The following SNX29 variants were observed in gnomAD, a reference collection of about 807,000 sequenced individuals.
SNX29 encodes the protein sorting nexin-29.
In SNX29, 78 loss-of-function variants were observed where a neutral mutation model predicts 102.1. That is an observed-to-expected ratio of 0.76 (90% CI 0.64 to 0.92). The LOEUF (loss-of-function observed/expected upper bound fraction) is 0.92, where lower values mean the gene tolerates loss of function less well. Ranked by LOEUF, SNX29 falls within the 40% of genes least tolerant of loss-of-function variation. The pLI is 0.00. For synonymous variants in SNX29, 580 were observed against 414.5 expected (o/e 1.40, Z -4.85); for missense variants, 1,280 against 1,061.7 (o/e 1.21, Z -2.86).
chr16:12,219,675 G>A (rs1309921089), intron 14 of SNX29, among the ~76,000 whole-genome samples: 1 of 152,112 alleles, frequency 6.6e-6, no homozygotes. Context: ...AAATTCATGC[G>A]TATTTTAACA....
At chr16:12,066,846 A>G (rs2051061358) in intron 9 of SNX29, among the ~76,000 whole-genome samples, 1 of 151,864 alleles carries the variant, frequency 6.6e-6, no homozygotes, top group Admixed American at 6.6e-5. Context: ...GGGTGAGTTG[A>G]TGCCACCCTC....
chr16:12,474,908 C>T lies in SNX29; in HGVS notation c.2038-2811C>T, dbSNP rs78431302. On this transcript the variant is annotated intron_variant, in intron 18 of 20. Transcript: ENST00000566228. The stretch of plus-strand genomic sequence containing the variant: ...TTAAAATAAAGAAGGAGTACGCCCA[C>T]GTGTGCTGGTACGCCCATCTGGATG... Among the ~76,000 whole-genome samples the T allele has an allele frequency of 8.9e-3, 1,348 of 152,316 alleles. 15 individuals are homozygous for T. Among genetic ancestry groups the T allele is most frequent in the East Asian group, 0.031 (160 of 5,176 alleles).
At chr16:12,052,657 G>C (rs982223967) in intron 8 of SNX29, 8 of 191,132 alleles carry the variant, frequency 4.2e-5, no homozygotes, top group Admixed American at 2.7e-4. Flanking sequence ...TATTTGGAAG[G>C]AGTATTATTT....
At chr16:12,414,357 G>T (rs1049042410) in intron 18 of SNX29, among the ~76,000 whole-genome samples, 4 of 152,198 alleles carry the variant, frequency 2.6e-5, no homozygotes, top group African/African-American at 4.8e-5. Flanking sequence ...CTGGGTGACA[G>T]CAAGACCTCA....
chr16:12,286,956 C>A (rs751292059), intron 15 of SNX29, among the ~76,000 whole-genome samples: 1 of 152,196 alleles, frequency 6.6e-6, no homozygotes, highest in Non-Finnish European at 1.5e-5. Flanking sequence ...AAAAGAGGCT[C>A]GTGCTAGTCC....
Position 12,540,941 on chromosome 16 carries a change from G to C in SNX29, c.2318+16100G>C, listed in dbSNP as rs368819439. Among the ~76,000 whole-genome samples the C allele has an allele frequency of 2.9e-4, 44 of 152,320 alleles. 1 individual carries two copies. The South Asian group carries it at 8.9e-3, about 31-fold the overall frequency. ...CTGTTCACCCCCTGCCCACTTTTGG[G>C]GTCAGGCTGCCTGTAGTTCAGGCTG... On this transcript the variant is annotated intron_variant, in intron 20 of 20. Coordinates refer to ENST00000566228, the MANE Select transcript of SNX29 (RefSeq NM_032167.5).
At chr16:12,498,575 T>C (rs754528056) in intron 19 of SNX29, among the ~76,000 whole-genome samples, 2 of 152,098 alleles carry the variant, frequency 1.3e-5, no homozygotes, top group Non-Finnish European at 2.9e-5. Context: ...CCACTGAAAA[T>C]ACAGTGGGAA....
At chr16:12,541,657 A>G (rs557716389) in intron 20 of SNX29, among the ~76,000 whole-genome samples, 1 of 152,208 alleles carries the variant, frequency 6.6e-6, no homozygotes, top group Admixed American at 6.5e-5. Flanking sequence ...CCAGCTCCTA[A>G]TGCAGCCGTG....
intron 20 of SNX29, among the ~76,000 whole-genome samples, chr16:12,531,178 C>T (rs1257172697): frequency 2.6e-5 from 4 of 152,208 alleles, no homozygotes; most frequent in East Asian, 1.9e-4. Flanking sequence ...CCACTCTTCC[C>T]AGGTGTGCAG....
chr16:12,474,755 A>G (rs573016643), intron 18 of SNX29, among the ~76,000 whole-genome samples: 3 of 152,326 alleles, frequency 2.0e-5, no homozygotes, highest in East Asian at 3.9e-4. Flanking sequence ...TAATTTTTTT[A>G]AAGTGCATTG....
rs376318225 is a variant in SNX29 at position 12,572,227 on chromosome 16, A to G, written c.*3598A>G. The G allele has an allele frequency of 2.0e-4, 206 of 1,020,042 alleles. 2 individuals are homozygous for G. The East Asian group carries it at 0.011, about 52-fold the overall frequency. 63.2% of individuals were successfully genotyped at this position (1,020,042 alleles called of 1,614,324 possible). Reference sequence around the variant, plus strand: ...TGCTTTAAAAACCAGAGGCTCCTGAAAGTCGTTTACACCAGGTGGATTGAT... The same window carrying G: ...TGCTTTAAAAACCAGAGGCTCCTGAGAGTCGTTTACACCAGGTGGATTGAT... On this transcript the variant is annotated 3_prime_UTR_variant, in exon 21 of 21. Transcript: ENST00000566228.
At chr16:12,181,455 T>G (rs1207567418) in intron 13 of SNX29, among the ~76,000 whole-genome samples, 1 of 152,194 alleles carries the variant, frequency 6.6e-6, no homozygotes, top group Non-Finnish European at 1.5e-5. Flanking sequence ...AGTTTCTGAT[T>G]AGCCTCTCCA....
rs79261731 is a variant in SNX29 at position 12,368,838 on chromosome 16, C to T, written c.1899+12559C>T. On this transcript the variant is annotated intron_variant, in intron 16 of 20. Transcript: ENST00000566228. ...GCCACCAGGATTCTCCTGGGGCTCA[C>T]GTGCCCCTTGTTCTCATTTTAGTTA... Among the ~76,000 whole-genome samples the T allele has an allele frequency of 3.5e-3, 533 of 152,364 alleles. 5 individuals carry two copies. The highest frequency in any genetic ancestry group is 0.012 in the African/African-American group (511 of 41,580).
At chr16:12,501,782 C>A (rs899534864) in intron 19 of SNX29, among the ~76,000 whole-genome samples, 1 of 150,132 alleles carries the variant, frequency 6.7e-6, no homozygotes, top group Non-Finnish European at 1.5e-5. Flanking sequence ...ATGGTTCCTG[C>A]CCTCATGGAA....
intron 18 of SNX29, among the ~76,000 whole-genome samples, chr16:12,463,710 A>T (rs2086914666): frequency 6.6e-6 from 1 of 151,846 alleles, no homozygotes; most frequent in South Asian, 2.1e-4. Context: ...ATATTGACAA[A>T]TAAAAATTGT....
At chr16:12,401,359 ATTTT>A (rs35886680) in intron 17 of SNX29, among the ~76,000 whole-genome samples, 1 of 101,494 alleles carries the variant, frequency 9.9e-6, no homozygotes, top group Admixed American at 1.2e-4. Context: ...ATAGAGTTAA[ATTTT>A]TTTTTTTTTT....
intron 7 of SNX29, among the ~76,000 whole-genome samples, chr16:12,049,927 A>G (rs765503996): frequency 6.6e-6 from 1 of 152,170 alleles, no homozygotes; most frequent in Non-Finnish European, 1.5e-5. Flanking sequence ...GAAATTGGAA[A>G]TTTTGGGCTT....
intron 14 of SNX29, among the ~76,000 whole-genome samples, chr16:12,233,971 A>G (rs2077847488): frequency 6.6e-6 from 1 of 152,190 alleles, no homozygotes; most frequent in Non-Finnish European, 1.5e-5. Flanking sequence ...ATTTTACTAT[A>G]AGGATATGCC....
rs576350057 is a variant in SNX29 at position 12,192,412 on chromosome 16, G to A, written c.1596-7189G>A. 5.9e-5 allele frequency among the ~76,000 whole-genome samples: 9 copies of A among 152,306 alleles called. No homozygotes were observed. The East Asian group carries it at 1.2e-3, about 20-fold the overall frequency. On this transcript the variant is annotated intron_variant, in intron 13 of 20. Transcript: ENST00000566228. Reference sequence around the variant, plus strand: ...ACCATCGTTTCTTGCCTGGATGACCGTAATGGCCTCCTATCTTCCGGCTTC... The same window carrying A: ...ACCATCGTTTCTTGCCTGGATGACCATAATGGCCTCCTATCTTCCGGCTTC...
Sources: allele counts gnomAD v4.1 joint callset (sites outside exome capture counted in the v4.1 genomes callset), GRCh38; gene constraint gnomAD v4.1.1; transcripts MANE v1.5; gene names NCBI Gene and HGNC (gene_info 2026-07-23, HGNC 2026-07-21).